UCK2: variants seen among roughly 807,000 people sequenced by gnomAD.
UCK2 encodes the protein cytidine monophosphokinase 2.
In UCK2, 6 loss-of-function variants were observed where a neutral mutation model predicts 30.8. The ratio of observed to expected loss-of-function variants is 0.19; its 90% CI spans 0.11 to 0.38. The LOEUF is 0.38. UCK2 is among the 10% of genes least tolerant of loss of function. The probability of loss-of-function intolerance (pLI) is 1.00; values close to 1 mark genes in which losing one functional copy is unlikely to be tolerated. For synonymous variants in UCK2, 125 were observed against 133.6 expected, an observed-to-expected ratio of 0.94 and a Z score of 0.45; for missense variants, 210 against 339.8, an observed-to-expected ratio of 0.62 and a Z score of 3.00.
intron 1 of UCK2, 82 bp downstream of exon 1, chr1:165,828,014 C>A: frequency 9.2e-7 from 1 of 1,085,006 alleles, no homozygotes; most frequent in South Asian, 4.5e-5. Context: ...CGGGCCGTGT[C>A]AGTTGCGGCA....
intron 1 of UCK2, among the ~76,000 whole-genome samples, chr1:165,883,339 AATTCAAGGACTGATGGCTTGAGTC>A (rs1346323416): frequency 6.6e-6 from 1 of 152,128 alleles, no homozygotes; most frequent in Non-Finnish European, 1.5e-5. Flanking sequence ...GCCCAGCTAA[AATTCAAGGACTGATGGCTTGAGTC>A]CAGGAGTTCG....
chr1:165,865,442 G>T (rs1262687120), intron 1 of UCK2, among the ~76,000 whole-genome samples: 1 of 152,064 alleles, frequency 6.6e-6, no homozygotes, highest in Non-Finnish European at 1.5e-5. Flanking sequence ...CAAGATCTGC[G>T]GTGGCAAAAA....
intron 1 of UCK2, among the ~76,000 whole-genome samples, chr1:165,886,658 C>G (rs1416879891): frequency 2.0e-5 from 3 of 152,100 alleles, no homozygotes; most frequent in Non-Finnish European, 2.9e-5. Flanking sequence ...AAGAGAGGGG[C>G]AGGATTAGGC....
At chr1:165,841,111 GTATA>G (rs61030546) in intron 1 of UCK2, among the ~76,000 whole-genome samples, 52,852 of 144,572 alleles carry the variant, frequency 0.37, 9,589 homozygotes, top group South Asian at 0.53. Flanking sequence ...GTGTGTGTGT[GTATA>G]TATATATATA....
In UCK2 at chr1:165,872,776, C is replaced by T. The variant is rs79339735; in HGVS notation, c.100-17428C>T. On this transcript the variant is annotated intron_variant, in intron 1 of 6. Coordinates refer to ENST00000367879, the MANE Select transcript of UCK2 (RefSeq NM_012474.5). Reference sequence around the variant, plus strand: ...TATAAGTGAACGAAGGTGCAGACAGCGTGTATTAGTGTCTGTGTTTGAAAA... The same window carrying T: ...TATAAGTGAACGAAGGTGCAGACAGTGTGTATTAGTGTCTGTGTTTGAAAA... Among the ~76,000 whole-genome samples, 1,485 of 152,154 alleles carry T rather than the reference C, an allele frequency of 9.8e-3. 23 individuals are homozygous for T. Among genetic ancestry groups the T allele is most frequent in the African/African-American group, 0.026 (1,078 of 41,504 alleles).
At chr1:165,905,220 C>A (rs534161659) in intron 5 of UCK2, among the ~76,000 whole-genome samples, 10 of 152,306 alleles carry the variant, frequency 6.6e-5, no homozygotes, top group African/African-American at 2.2e-4. Flanking sequence ...CAGTGGCTCA[C>A]GCCTGTAATC....
At chr1:165,905,878 T>C in intron 5 of UCK2, 43 bp from the exon 6 acceptor site, 1 of 1,597,356 alleles carries the variant, frequency 6.3e-7, no homozygotes, top group Non-Finnish European at 8.6e-7. Context: ...GGGCCAGTTG[T>C]CTCTTAACTG....
In UCK2 at chr1:165,884,096, T is replaced by G. The variant is rs567576455; in HGVS notation, c.100-6108T>G. ...CATATAAGCTAGTGGTGATACTTACTTTATGATAGTGACAGGGAAAGCTAC... is the reference window on the plus strand; with the variant it reads ...CATATAAGCTAGTGGTGATACTTACGTTATGATAGTGACAGGGAAAGCTAC... On this transcript the variant is annotated intron_variant, in intron 1 of 6. Coordinates refer to ENST00000367879, the MANE Select transcript of UCK2 (RefSeq NM_012474.5). Among the ~76,000 whole-genome samples, 188 of 146,274 alleles carry G rather than the reference T, an allele frequency of 1.3e-3. 1 individual carries two copies. The highest frequency in any genetic ancestry group is 4.4e-3 in the African/African-American group (177 of 40,236).
At chr1:165,883,869 G>A (rs747237692) in intron 1 of UCK2, among the ~76,000 whole-genome samples, 9 of 152,188 alleles carry the variant, frequency 5.9e-5, no homozygotes, top group Admixed American at 3.9e-4. Context: ...TCTCTATTGT[G>A]CCACTTAATC....
intron 1 of UCK2, among the ~76,000 whole-genome samples, chr1:165,870,999 G>A (rs1014059575): frequency 3.3e-5 from 5 of 152,178 alleles, no homozygotes; most frequent in Non-Finnish European, 5.9e-5. Flanking sequence ...TGTATTTTTA[G>A]TAGAGGAGTT....
intron 1 of UCK2, chr1:165,885,059 T>C: frequency 3.8e-6 from 1 of 265,240 alleles, no homozygotes; most frequent in South Asian, 1.7e-4. Flanking sequence ...AAATGTTGAC[T>C]TTAGTGATGC....
At chr1:165,875,038 CAAA>C (rs57582300) in intron 1 of UCK2, among the ~76,000 whole-genome samples, 8 of 111,316 alleles carry the variant, frequency 7.2e-5, no homozygotes, top group Non-Finnish European at 5.6e-5. Flanking sequence ...ACTGAGTTAC[CAAA>C]AAAAAAAAAA....
At chr1:165,829,788 T>A (rs187649753) in intron 1 of UCK2, among the ~76,000 whole-genome samples, 2 of 152,198 alleles carry the variant, frequency 1.3e-5, no homozygotes, top group Admixed American at 1.3e-4. Context: ...GGAGGAAGAG[T>A]GTAGAAACTC....
chr1:165,888,294 CTCTTTTT>C (rs950887319), intron 1 of UCK2, among the ~76,000 whole-genome samples: 6 of 152,004 alleles, frequency 3.9e-5, no homozygotes, highest in Admixed American at 1.3e-4. Context: ...CTGTTCTTTT[CTCTTTTT>C]TCTTTTTTTT....
At chr1:165,878,416 C>T (rs983104765) in intron 1 of UCK2, among the ~76,000 whole-genome samples, 7 of 151,896 alleles carry the variant, frequency 4.6e-5, no homozygotes, top group East Asian at 1.9e-4. Context: ...CTGTAGTCTC[C>T]ACCTTCTGGG....
Position 165,909,042 on chromosome 1 carries a change from G to A in UCK2, c.*1219G>A, listed in dbSNP as rs1238622018. On this transcript the variant is annotated 3_prime_UTR_variant, in exon 7 of 7. Transcript: ENST00000367879. ...ATATGGCAACTGCAGAGCATAAAAG[G>A]GGCTCGGAAAAGCAGTTTTTACAAA... 1 of 152,158 alleles carries A rather than the reference G, an allele frequency of 6.6e-6. No individual in the cohort carries two copies. Among genetic ancestry groups the A allele is most frequent in the African/African-American group, 2.4e-5 (1 of 41,440 alleles). 9.4% of individuals were successfully genotyped at this position (152,158 alleles called of 1,614,324 possible).
At chr1:165,860,016 C>T (rs1232654034) in intron 1 of UCK2, among the ~76,000 whole-genome samples, 5 of 152,180 alleles carry the variant, frequency 3.3e-5, no homozygotes, top group Non-Finnish European at 5.9e-5. Flanking sequence ...TTGCTGTTTG[C>T]GTCAGGGCTC....
chr1:165,905,678 C>G (rs540615924), intron 5 of UCK2, among the ~76,000 whole-genome samples: 2 of 152,290 alleles, frequency 1.3e-5, no homozygotes, highest in Non-Finnish European at 2.9e-5. Flanking sequence ...TTTCCTCATT[C>G]CCTGCTTATC....
At chr1:165,846,257 G>A (rs1288393304) in intron 1 of UCK2, among the ~76,000 whole-genome samples, 1 of 152,174 alleles carries the variant, frequency 6.6e-6, no homozygotes, top group Admixed American at 6.5e-5. Flanking sequence ...AGCTATGATT[G>A]TGCCACTGTG....
Sources: allele counts gnomAD v4.1 joint callset (sites outside exome capture counted in the v4.1 genomes callset), GRCh38; gene constraint gnomAD v4.1.1; transcripts MANE v1.5; gene names NCBI Gene and HGNC (gene_info 2026-07-23, HGNC 2026-07-21).